Variants in GFM2 observed in about 807,000 individuals in gnomAD.
GFM2 encodes GTP dependent ribosome recycling factor mitochondrial 2, also known as ribosome-releasing factor 2, mitochondrial.
A neutral mutation model predicts 95.4 loss-of-function variants in GFM2; 72 were observed. That is an observed-to-expected ratio of 0.76 (90% CI 0.62 to 0.92). The LOEUF (loss-of-function observed/expected upper bound fraction) is 0.92. Among genes scored for constraint, GFM2 ranks in the 40% least tolerant of loss-of-function variants. The probability of loss-of-function intolerance (pLI) is 0.00; values close to 1 mark genes in which losing one functional copy is unlikely to be tolerated. For missense variants in GFM2, 825 were observed against 924.1 expected (o/e 0.89, Z 1.39); for synonymous variants, 276 against 317.5 (o/e 0.87, Z 1.39).
At chr5:74,751,548 G>C in intron 5 of GFM2, 55 bp from the exon 6 acceptor site, 1 of 1,347,850 alleles carries the variant, frequency 7.4e-7, no homozygotes, top group Non-Finnish European at 1.1e-6. Context: ...TATTTTATTC[G>C]TGCTCAATAT....
chr5:74,738,442 G>T, intron 13 of GFM2, 25 bp from the exon 14 acceptor site: 1 of 1,610,650 alleles, frequency 6.2e-7, no homozygotes, highest in Non-Finnish European at 8.5e-7. Flanking sequence ...TTTTATGTTA[G>T]TAAAAGTATT....
At chr5:74,750,748 G>C in intron 6 of GFM2, 81 bp from the exon 7 acceptor site, 1 of 978,904 alleles carries the variant, frequency 1.0e-6, no homozygotes, top group East Asian at 2.5e-5. Context: ...CTCACTCCTG[G>C]GGAGGGGTGT....
chr5:74,748,771 A>T (rs945311031), intron 7 of GFM2, among the ~76,000 whole-genome samples: 1 of 151,580 alleles, frequency 6.6e-6, no homozygotes, highest in Non-Finnish European at 1.5e-5. Context: ...AAGCTGAGGC[A>T]CAAGGATCGC....
intron 2 of GFM2, among the ~76,000 whole-genome samples, chr5:74,763,339 T>A (rs1744379241): frequency 6.6e-6 from 1 of 152,226 alleles, no homozygotes; most frequent in African/African-American, 2.4e-5. Context: ...TACTTAATAT[T>A]ACAAAGCACA....
chr5:74,722,295 T>G, intron 20 of GFM2, 84 bp downstream of exon 20: 1 of 1,083,046 alleles, frequency 9.2e-7, no homozygotes, highest in Non-Finnish European at 1.4e-6. Flanking sequence ...AATGTTTCTT[T>G]CAGGTTACTG....
chr5:74,733,068 C>A lies in GFM2; in HGVS notation c.1541G>T (p.Arg514Leu). Residue 514 changes from arginine to leucine, a missense_variant, in exon 16 of 21, where the codon CGT becomes CTT. Transcript: ENST00000296805. ...DLEHALKCLQ[R>L]EDPSLKVRLD... is the part of the protein sequence containing the mutation. ...CCTCACTTTCAAACTGGGATCTTCA[C>A]GCTGAAGACATTTCAACGCATGTTC... 6.2e-7 allele frequency: 1 copy of A among 1,612,586 alleles called. No individual in the cohort carries two copies. Among genetic ancestry groups the A allele is most frequent in the Non-Finnish European group, 8.5e-7 (1 of 1,178,754 alleles).
At chr5:74,739,090 G>A (rs566396584) in intron 12 of GFM2, among the ~76,000 whole-genome samples, 2 of 152,088 alleles carry the variant, frequency 1.3e-5, no homozygotes, top group Non-Finnish European at 2.9e-5. Context: ...TTAACAGAAT[G>A]ATGTTCTTAA....
chr5:74,759,617 A>C (rs1744180609), intron 3 of GFM2, among the ~76,000 whole-genome samples, 191 bp from the exon 4 acceptor site: 1 of 152,160 alleles, frequency 6.6e-6, no homozygotes, highest in African/African-American at 2.4e-5. Flanking sequence ...GGATGACAAT[A>C]AAACAAGGTA....
At chr5:74,747,513 T>C (rs1743445975) in intron 8 of GFM2, among the ~76,000 whole-genome samples, 179 bp downstream of exon 8, 1 of 152,228 alleles carries the variant, frequency 6.6e-6, no homozygotes, top group Admixed American at 6.5e-5. Flanking sequence ...AATTGTTATA[T>C]AACCTATGGA....
chr5:74,746,913 G>C (rs1743416500), intron 8 of GFM2, among the ~76,000 whole-genome samples: 1 of 152,100 alleles, frequency 6.6e-6, no homozygotes, highest in Non-Finnish European at 1.5e-5. Flanking sequence ...AACAGCCTCA[G>C]AATTACTATA....
chr5:74,752,157 A>G (rs1033901641), intron 5 of GFM2, among the ~76,000 whole-genome samples: 4 of 152,206 alleles, frequency 2.6e-5, no homozygotes, highest in Admixed American at 6.5e-5. Flanking sequence ...AAGTAGTCTC[A>G]TACAACTTCT....
At chr5:74,730,532 G>A (rs1742508212) in intron 16 of GFM2, 134 bp from the exon 17 acceptor site, 1 of 550,100 alleles carries the variant, frequency 1.8e-6, no homozygotes, top group Non-Finnish European at 2.8e-6. Flanking sequence ...TTTTGGCCCG[G>A]GGCTTTTACA....
chr5:74,754,087 C>T (rs1413755047), intron 5 of GFM2, among the ~76,000 whole-genome samples: 1 of 152,046 alleles, frequency 6.6e-6, no homozygotes, highest in Non-Finnish European at 1.5e-5. Flanking sequence ...CAATTATCAA[C>T]CAAGAATTTT....
intron 5 of GFM2, among the ~76,000 whole-genome samples, chr5:74,754,126 G>A (rs1370545760): frequency 6.6e-6 from 1 of 152,078 alleles, no homozygotes; most frequent in African/African-American, 2.4e-5. Context: ...CTTCATAAAT[G>A]AAGGAAAGAT....
chr5:74,737,057 A>G, intron 14 of GFM2, 72 bp from the exon 15 acceptor site: 1 of 1,467,258 alleles, frequency 6.8e-7, no homozygotes, highest in East Asian at 2.3e-5. Flanking sequence ...AAGAACCACA[A>G]TATAAGAAAA....
intron 10 of GFM2, among the ~76,000 whole-genome samples, chr5:74,744,505 G>A (rs1294625874): frequency 6.6e-6 from 1 of 151,980 alleles, no homozygotes; most frequent in Non-Finnish European, 1.5e-5. Context: ...AGAAATTAAG[G>A]TATGTTTTAT....
In GFM2 at chr5:74,738,332, C is replaced by T; in HGVS notation, c.1306G>A (p.Val436Ile). 2 of 1,612,310 alleles carry T rather than the reference C, an allele frequency of 1.2e-6. No homozygotes were observed. Among genetic ancestry groups the T allele is most frequent in the Non-Finnish European group, 1.7e-6 (2 of 1,179,064 alleles). ...TGGTCACTTACATGTTTAAGCCCAA[C>T]AGTCAAAGCAATGTTACCAGCAGTC... ...SLTAGNIALT[V>I]GLKHTATGDT... is the part of the protein sequence containing the mutation. Residue 436 changes from valine (V) to isoleucine (I), a missense_variant, in exon 14 of 21, where the codon GTT becomes ATT. By Grantham distance (29) the Val-to-Ile change is conservative. Coordinates refer to ENST00000296805, the MANE Select transcript of GFM2 (RefSeq NM_032380.5).
chr5:74,725,701 G>C lies in GFM2; in HGVS notation c.1967C>G (p.Thr656Arg), dbSNP rs773947727. 1 of 1,613,902 alleles carries C rather than the reference G, an allele frequency of 6.2e-7. No individual in the cohort carries two copies. Among genetic ancestry groups the C allele is most frequent in the Non-Finnish European group, 8.5e-7 (1 of 1,179,892 alleles). ...AGTTGTGGAGGTGCCAGGATGAATT[G>C]TCAGGGAATGTAAAGTAATTGCTAC... ...QDVAITLHSLTIHPGTSTTMI... is the reference protein window; with the variant it reads ...QDVAITLHSLRIHPGTSTTMI... Residue 656 changes from threonine to arginine, a missense_variant, in exon 19 of 21, where the codon ACA becomes AGA. Coordinates refer to ENST00000296805, the MANE Select transcript of GFM2 (RefSeq NM_032380.5).
chr5:74,726,970 T>C (rs1051716097), intron 17 of GFM2, among the ~76,000 whole-genome samples: 18 of 152,220 alleles, frequency 1.2e-4, no homozygotes, highest in African/African-American at 4.3e-4. Flanking sequence ...AATTTGAGAC[T>C]AGCCTGGGCA....
Sources: gnomAD v4.1 joint callset for allele counts (sites outside exome capture counted in the v4.1 genomes callset) on GRCh38, gnomAD v4.1.1 for gene constraint, MANE v1.5 for transcripts, NCBI Gene and HGNC (gene_info 2026-07-23, HGNC 2026-07-21) for gene names.